CBLB: variants seen among roughly 807,000 people sequenced by gnomAD.
CBLB encodes E3 ubiquitin-protein ligase CBL-B.
In CBLB, 31 loss-of-function variants were observed where a neutral mutation model predicts 104.9. That is an observed-to-expected ratio of 0.30 (90% CI 0.22 to 0.40). The LOEUF is 0.40. Ranked by LOEUF, CBLB falls within the 10% of genes least tolerant of loss-of-function variation. The probability of loss-of-function intolerance (pLI) is 1.00; values close to 1 mark genes in which losing one functional copy is unlikely to be tolerated. For synonymous variants in CBLB, 440 were observed against 422.6 expected (o/e 1.04, Z -0.51); for missense variants, 1,062 against 1,214.6 (o/e 0.87, Z 1.87).
At chr3:105,855,354 T>C (rs1272451459) in intron 2 of CBLB, among the ~76,000 whole-genome samples, 1 of 152,172 alleles carries the variant, frequency 6.6e-6, no homozygotes, top group Non-Finnish European at 1.5e-5. Context: ...GCATGAGGCC[T>C]ATAGCTAATA....
chr3:105,688,331 C>T (rs1011447163), intron 13 of CBLB, among the ~76,000 whole-genome samples: 45 of 151,950 alleles, frequency 3.0e-4, no homozygotes, highest in African/African-American at 9.9e-4. Flanking sequence ...CTCAAAGATG[C>T]ATAGTCACCA....
chr3:105,746,068 G>C, intron 5 of CBLB, 30 bp from the exon 6 acceptor site: 1 of 1,430,850 alleles, frequency 7.0e-7, no homozygotes, highest in South Asian at 1.2e-5. Context: ...AAAGAGATTA[G>C]TATCTAGAGA....
At chr3:105,746,299 C>T (rs1560064288) in intron 5 of CBLB, among the ~76,000 whole-genome samples, 1 of 152,158 alleles carries the variant, frequency 6.6e-6, no homozygotes, top group Non-Finnish European at 1.5e-5. Flanking sequence ...AAAATCTCTT[C>T]TCTACACAGC....
Position 105,868,984 on chromosome 3 carries a change from T to C in CBLB, c.-263A>G, listed in dbSNP as rs1203935524. 1.9e-6 allele frequency: 2 copies of C among 1,043,484 alleles called. No individual in the cohort carries two copies. Among genetic ancestry groups the C allele is most frequent in the Non-Finnish European group, 2.3e-6 (2 of 867,026 alleles). The allele number at this position is 1,043,484 out of a possible 1,614,324, so 64.6% of individuals were successfully genotyped here. A position where few individuals can be genotyped will look rare whatever the true frequency, so the allele number is the denominator to read the frequency against. The stretch of plus-strand genomic sequence containing the variant: ...AGGCCGCGGGACGCCGCAGCAGCAC[T>C]AGCAGGAGGAGGAGACCGCTCGCTG... On this transcript the variant is annotated 5_prime_UTR_variant, in exon 1 of 19. Transcript: ENST00000394030.
chr3:105,868,301 G>C (rs938657239), intron 1 of CBLB: 1 of 1,000,284 alleles, frequency 1.0e-6, no homozygotes, highest in Admixed American at 4.3e-5. Context: ...CACTTCTCTG[G>C]CTCCTCGCCT....
chr3:105,759,842 G>A (rs1480154832), intron 4 of CBLB, among the ~76,000 whole-genome samples: 3 of 152,132 alleles, frequency 2.0e-5, no homozygotes, highest in Admixed American at 2.0e-4. Flanking sequence ...CCACCAACTC[G>A]GAAGAGGGTG....
intron 6 of CBLB, among the ~76,000 whole-genome samples, chr3:105,743,111 T>G (rs2075771308): frequency 6.6e-6 from 1 of 152,136 alleles, no homozygotes; most frequent in Non-Finnish European, 1.5e-5. Context: ...CAACCTCAAG[T>G]GAATTTTTGG....
intron 3 of CBLB, among the ~76,000 whole-genome samples, chr3:105,851,423 G>A (rs983601222): frequency 6.6e-6 from 1 of 152,178 alleles, no homozygotes; most frequent in Non-Finnish European, 1.5e-5. Context: ...TTTTAGGGCA[G>A]TGAAACAATT....
chr3:105,738,860 G>A (rs937913094), intron 7 of CBLB, among the ~76,000 whole-genome samples: 2 of 152,140 alleles, frequency 1.3e-5, no homozygotes, highest in Non-Finnish European at 2.9e-5. Context: ...ACCATAACTT[G>A]CCATACAATT....
chr3:105,828,422 A>T (rs1018235683), intron 3 of CBLB, among the ~76,000 whole-genome samples: 5 of 152,256 alleles, frequency 3.3e-5, no homozygotes, highest in Non-Finnish European at 7.3e-5. Flanking sequence ...AATTTTCATT[A>T]AATATTAAAT....
At chr3:105,699,197 C>T (rs535044634) in intron 12 of CBLB, among the ~76,000 whole-genome samples, 4 of 151,954 alleles carry the variant, frequency 2.6e-5, no homozygotes, top group South Asian at 2.1e-4. Flanking sequence ...TTAGGAACTA[C>T]GTTAAATAAA....
chr3:105,686,540 A>G (rs1261621216), intron 13 of CBLB, among the ~76,000 whole-genome samples: 1 of 152,080 alleles, frequency 6.6e-6, no homozygotes, highest in Non-Finnish European at 1.5e-5. Flanking sequence ...TTAAACAAAC[A>G]TGCCTGAATT....
At chr3:105,768,196 GAAGAT>G (rs1224696966) in intron 4 of CBLB, among the ~76,000 whole-genome samples, 1 of 152,162 alleles carries the variant, frequency 6.6e-6, no homozygotes. Flanking sequence ...AGTAAATGCA[GAAGAT>G]AAGCCAGAGC....
At chr3:105,756,891 A>G (rs1387578128) in intron 4 of CBLB, among the ~76,000 whole-genome samples, 3 of 152,160 alleles carry the variant, frequency 2.0e-5, no homozygotes, top group Admixed American at 1.3e-4. Context: ...TCATGGGAGC[A>G]TATTTCCAAT....
At chr3:105,761,669 C>G (rs1186874572) in intron 4 of CBLB, among the ~76,000 whole-genome samples, 1 of 152,134 alleles carries the variant, frequency 6.6e-6, no homozygotes, top group Non-Finnish European at 1.5e-5. Context: ...ATAAATTACC[C>G]AATTTTGAGT....
In CBLB at chr3:105,670,221, T is replaced by C; in HGVS notation, c.2689+12A>G. The C allele has an allele frequency of 4.3e-6, 7 of 1,612,134 alleles. No individual in the cohort carries two copies. Among genetic ancestry groups the C allele is most frequent in the Non-Finnish European group, 5.9e-6 (7 of 1,178,380 alleles). On this transcript the variant is annotated intron_variant, in intron 18 of 18. Coordinates refer to ENST00000394030, the MANE Select transcript of CBLB (RefSeq NM_170662.5). ...AATAAGGTATTATTGTTACTGTTAC[T>C]AGCCAACTCACCTGAACATGAAGGA... is the stretch of plus-strand genomic sequence containing the variant.
rs1553789029 is a variant in CBLB, at chr3:105,780,664, T to TTTG, written c.420-4123_420-4122insCAA. On this transcript the variant is annotated intron_variant, in intron 3 of 18. Coordinates refer to ENST00000394030, the MANE Select transcript of CBLB (RefSeq NM_170662.5). ...ACAATAAAAGTTTTGTTTTTTGTTT[T>TTTG]TTTTTTTTTTTTTTTTGAGATGGAG... Among the ~76,000 whole-genome samples, 292 of 120,760 alleles carry TTTG rather than the reference T, an allele frequency of 2.4e-3. 1 individual carries two copies. The highest frequency in any genetic ancestry group is 3.5e-3 in the Non-Finnish European group (197 of 56,852). 79.2% of individuals were successfully genotyped at this position (120,760 alleles called of 152,430 possible).
intron 3 of CBLB, among the ~76,000 whole-genome samples, chr3:105,797,249 G>A (rs571284977): frequency 6.6e-6 from 1 of 152,138 alleles, no homozygotes; most frequent in African/African-American, 2.4e-5. Context: ...AATACTACAC[G>A]TCATAAAAAA....
At chr3:105,823,244 G>A (rs547856083) in intron 3 of CBLB, among the ~76,000 whole-genome samples, 6 of 152,112 alleles carry the variant, frequency 3.9e-5, no homozygotes, top group African/African-American at 9.7e-5. Flanking sequence ...TAGGATCAGC[G>A]TCTCTGACAA....
Sources: gnomAD v4.1 joint callset for allele counts (sites outside exome capture counted in the v4.1 genomes callset) on GRCh38, gnomAD v4.1.1 for gene constraint, MANE v1.5 for transcripts, NCBI Gene and HGNC (gene_info 2026-07-23, HGNC 2026-07-21) for gene names.